The following CAAP1 variants were observed in gnomAD, a reference collection of about 807,000 sequenced individuals.
CAAP1 encodes the protein conserved anti-apoptotic protein.
CAAP1 carries 20 observed loss-of-function variants against 34.0 expected under a neutral mutation model. The observed-to-expected ratio is 0.59, with a 90% CI of 0.41 to 0.86. The LOEUF (loss-of-function observed/expected upper bound fraction) is 0.86, where lower values mean the gene tolerates loss of function less well. CAAP1 is among the 40% of genes least tolerant of loss of function. CAAP1 has a pLI of 0.00. For missense variants in CAAP1, 538 were observed against 450.5 expected (o/e 1.19, Z -1.76); for synonymous variants, 213 against 166.7 (o/e 1.28, Z -2.14).
chr9:26,861,263 G>GT, intron 4 of CAAP1, 124 bp from the exon 5 acceptor site: 1 of 643,328 alleles, frequency 1.6e-6, no homozygotes, highest in Non-Finnish European at 2.7e-6. Flanking sequence ...AGCTCCCAGG[G>GT]TATCATTCAG....
At chr9:26,852,401 G>A (rs950858952) in intron 5 of CAAP1, among the ~76,000 whole-genome samples, 4 of 151,964 alleles carry the variant, frequency 2.6e-5, no homozygotes, top group Non-Finnish European at 4.4e-5. Flanking sequence ...GCTGCAGTGA[G>A]CTGAGATCAC....
chr9:26,892,704 T>A lies in CAAP1; in HGVS notation c.12A>T (p.Lys4Asn). The change falls in exon 1 of 6, where the codon AAA (lysine) becomes AAT (asparagine). Residue 4 changes from lysine to asparagine, a missense_variant. By Grantham distance (94) the Lys-to-Asn change is moderately conservative. This residue lies in a region of CAAP1 where 514 missense variants were observed against 408.4 expected (regional missense o/e 1.26). Transcript: ENST00000333916. MTG[K>N]KSSREKRRKR... is the part of the protein sequence containing the mutation. ...TGCGCCGTTTCTCCCGGGAGGACTT[T>A]TTCCCCGTCATGATCCCTCTGCTGC... 1.3e-6 allele frequency: 2 copies of A among 1,597,018 alleles called. No homozygotes were observed. The highest frequency in any genetic ancestry group is 1.7e-5 in the Admixed American group (1 of 59,344).
chr9:26,890,035 A>G (rs777502032), intron 1 of CAAP1, among the ~76,000 whole-genome samples: 1 of 152,092 alleles, frequency 6.6e-6, no homozygotes. Context: ...AATGTTTTCA[A>G]TATTCAATTG....
rs1171628621 is a variant in CAAP1 at position 26,847,198 on chromosome 9, A to ATTTTTTTTTTTTTTTTTT, written c.740-4569_740-4552dup. On this transcript the variant is annotated intron_variant, in intron 5 of 5. Transcript: ENST00000333916. ...TTTTTACTAGTAAGTAAAAAGCAAT[A>ATTTTTTTTTTTTTTTTTT]TTTTTTTTTTTTTTTTTTTTTTTTT... is the stretch of plus-strand genomic sequence containing the variant. Among the ~76,000 whole-genome samples the ATTTTTTTTTTTTTTTTTT allele has an allele frequency of 7.5e-4, 26 of 34,750 alleles. 6 individuals are homozygous for ATTTTTTTTTTTTTTTTTT. Among genetic ancestry groups the ATTTTTTTTTTTTTTTTTT allele is most frequent in the Admixed American group, 1.6e-3 (3 of 1,826 alleles). The allele number at this position is 34,750 out of a possible 152,430, so 22.8% of individuals were successfully genotyped here.
intron 4 of CAAP1, among the ~76,000 whole-genome samples, chr9:26,864,433 C>T (rs1425847301): frequency 6.6e-6 from 1 of 152,072 alleles, no homozygotes; most frequent in Non-Finnish European, 1.5e-5. Context: ...TCTATTGTGT[C>T]CCTCATCAAG....
chr9:26,887,408 T>C lies in CAAP1; in HGVS notation c.409A>G (p.Ser137Gly). The C allele has an allele frequency of 6.2e-7, 1 of 1,611,720 alleles. No homozygotes were observed. The highest frequency in any genetic ancestry group is 1.1e-5 in the South Asian group (1 of 90,876). ...LDLTVSLKPV[S>G]FYISDKKEML... is the part of the protein sequence containing the mutation. ...TCTTTTTTGTCTGATATATAGAAACTAACTGGTTTCAATGACACAGTCAGG... is the reference window on the plus strand; with the variant it reads ...TCTTTTTTGTCTGATATATAGAAACCAACTGGTTTCAATGACACAGTCAGG... Residue 137 changes from serine to glycine, a missense_variant, in exon 2 of 6, where the codon AGT (serine) becomes GGT (glycine). By Grantham distance (56) the Ser-to-Gly change is moderately conservative. Around this residue, in one of 3 missense-constraint regions of CAAP1, gnomAD observed 514 missense variants for 408.4 expected, o/e 1.26. Transcript: ENST00000333916.
intron 4 of CAAP1, 124 bp from the exon 5 acceptor site, chr9:26,861,263 G>A: frequency 3.1e-6 from 2 of 643,328 alleles, no homozygotes; most frequent in Non-Finnish European, 5.5e-6. Flanking sequence ...AGCTCCCAGG[G>A]TATCATTCAG....
chr9:26,892,533 A>G lies in CAAP1; in HGVS notation c.183T>C (p.Ser61=). Reference sequence around the variant, plus strand: ...CGCTCCCACCGCCGGTGACACTTCCACTAAAATTGGCGTTCCCACAGCAGC... The same window carrying G: ...CGCTCCCACCGCCGGTGACACTTCCGCTAAAATTGGCGTTCCCACAGCAGC... ...SVSCCGNANF[S]GSVTGGGSGG... Residue 61 remains serine (S), a synonymous_variant, in exon 1 of 6, where the codon AGT becomes AGC. Transcript: ENST00000333916. 6.3e-7 allele frequency: 1 copy of G among 1,575,350 alleles called. No individual in the cohort carries two copies. The highest frequency in any genetic ancestry group is 8.6e-7 in the Non-Finnish European group (1 of 1,160,690).
At chr9:26,873,150 G>C (rs1391263843) in intron 4 of CAAP1, among the ~76,000 whole-genome samples, 1 of 152,190 alleles carries the variant, frequency 6.6e-6, no homozygotes, top group East Asian at 1.9e-4. Flanking sequence ...CTCCTCAGGA[G>C]GCTGAGGTGG....
chr9:26,867,867 T>A (rs982236693), intron 4 of CAAP1, among the ~76,000 whole-genome samples: 3 of 152,140 alleles, frequency 2.0e-5, no homozygotes, highest in Admixed American at 2.0e-4. Flanking sequence ...AGAGCAAACA[T>A]CATTTTGAGA....
intron 5 of CAAP1, among the ~76,000 whole-genome samples, chr9:26,854,408 T>C (rs1004568745): frequency 6.6e-6 from 1 of 152,188 alleles, no homozygotes; most frequent in African/African-American, 2.4e-5. Flanking sequence ...ACTTAAAACA[T>C]TCTATACTAT....
chr9:26,857,618 C>A (rs912199703), intron 5 of CAAP1, among the ~76,000 whole-genome samples: 10 of 150,976 alleles, frequency 6.6e-5, no homozygotes, highest in Non-Finnish European at 1.0e-4. Context: ...GGTGACAGAG[C>A]AAAAAAACAA....
At chr9:26,855,347 T>C (rs961882673) in intron 5 of CAAP1, among the ~76,000 whole-genome samples, 2 of 151,946 alleles carry the variant, frequency 1.3e-5, no homozygotes, top group Admixed American at 6.6e-5. Context: ...GCAGGATAAA[T>C]AGGTAGAACA....
At chr9:26,863,513 G>C (rs1459106305) in intron 4 of CAAP1, among the ~76,000 whole-genome samples, 3 of 152,050 alleles carry the variant, frequency 2.0e-5, no homozygotes, top group African/African-American at 7.2e-5. Flanking sequence ...TAAATTGTAA[G>C]AAAATTATGT....
At chr9:26,856,889 C>T (rs559430567) in intron 5 of CAAP1, among the ~76,000 whole-genome samples, 25 of 152,160 alleles carry the variant, frequency 1.6e-4, no homozygotes, top group African/African-American at 5.8e-4. Flanking sequence ...AGAAAAAATA[C>T]AAAAACCATA....
At chr9:26,890,215 ACAAAAATTAGCTGGCCAT>A (rs1823865792) in intron 1 of CAAP1, among the ~76,000 whole-genome samples, 1 of 152,014 alleles carries the variant, frequency 6.6e-6, no homozygotes, top group Non-Finnish European at 1.5e-5. Flanking sequence ...TATTAAAAAT[ACAAAAATTAGCTGGCCAT>A]GGTGGCGGGC....
At chr9:26,865,580 G>C (rs919848976) in intron 4 of CAAP1, among the ~76,000 whole-genome samples, 1 of 145,610 alleles carries the variant, frequency 6.9e-6, no homozygotes, top group East Asian at 1.9e-4. Context: ...AAGGAATGGA[G>C]GGGGAAATCC....
chr9:26,870,039 C>CTTTTTTTTTTTTTTTTTTTT (rs555433697), intron 4 of CAAP1: 1 of 269,184 alleles, frequency 3.7e-6, no homozygotes. Context: ...GAAAGAATAA[C>CTTTTTTTTTTTTTTTTTTTT]TTTTTTTTTT....
intron 5 of CAAP1, among the ~76,000 whole-genome samples, chr9:26,854,157 A>G (rs1015383264): frequency 2.6e-5 from 4 of 152,198 alleles, no homozygotes; most frequent in African/African-American, 9.7e-5. Flanking sequence ...AACAGAAATA[A>G]TTACAAGGGC....
Sources: allele counts gnomAD v4.1 joint callset (sites outside exome capture counted in the v4.1 genomes callset), GRCh38; gene constraint gnomAD v4.1.1; regional missense constraint gnomAD v4.1.1; transcripts MANE v1.5; gene names NCBI Gene and HGNC (gene_info 2026-07-23, HGNC 2026-07-21).